The following ZNF536 variants were observed in gnomAD, a reference collection of about 807,000 sequenced individuals.
ZNF536 encodes the protein zinc finger protein 536.
A neutral mutation model predicts 84.5 loss-of-function variants in ZNF536; 13 were observed. The observed-to-expected ratio is 0.15, with a 90% CI of 0.10 to 0.24. The LOEUF (loss-of-function observed/expected upper bound fraction) is 0.24. ZNF536 is among the 10% of genes least tolerant of loss of function. The pLI is 1.00. For missense variants in ZNF536, 1,536 were observed against 1,747.5 expected, an observed-to-expected ratio of 0.88 and a Z score of 2.16; for synonymous variants, 811 against 742.5, an observed-to-expected ratio of 1.09 and a Z score of -1.50.
chr19:30,526,162 A>C (rs1463886209), intron 2 of ZNF536, among the ~76,000 whole-genome samples: 1 of 152,112 alleles, frequency 6.6e-6, no homozygotes, highest in African/African-American at 2.4e-5. Flanking sequence ...GCCCAAAGAG[A>C]CATGTCACAC....
At chr19:30,449,417 C>T (rs1488695856) in intron 2 of ZNF536, among the ~76,000 whole-genome samples, 2 of 152,164 alleles carry the variant, frequency 1.3e-5, no homozygotes, top group Non-Finnish European at 2.9e-5. Context: ...GGGCTGAGCT[C>T]GAATCCTCGC....
At chr19:30,387,121 C>T (rs761093826) in intron 1 of ZNF536, among the ~76,000 whole-genome samples, 3 of 152,180 alleles carry the variant, frequency 2.0e-5, no homozygotes, top group South Asian at 2.1e-4. Flanking sequence ...GATGAAGCAC[C>T]GTTTTCATGC....
intron 2 of ZNF536, among the ~76,000 whole-genome samples, chr19:30,297,814 A>G (rs866774477): frequency 1.3e-5 from 2 of 151,956 alleles, no homozygotes; most frequent in South Asian, 2.1e-4. Flanking sequence ...GCCAGGCAGC[A>G]GGAGCCCCCT....
intron 2 of ZNF536, among the ~76,000 whole-genome samples, chr19:30,298,202 A>G (rs1041620840): frequency 7.2e-5 from 11 of 152,076 alleles, no homozygotes; most frequent in Admixed American, 5.2e-4. Flanking sequence ...AAGGAATCCC[A>G]CCGGGTCCTC....
intron 2 of ZNF536, among the ~76,000 whole-genome samples, chr19:30,450,844 C>A (rs542463323): frequency 6.6e-6 from 1 of 152,068 alleles, no homozygotes; most frequent in Non-Finnish European, 1.5e-5. Flanking sequence ...TTTTTCTGCC[C>A]CCAGCCCACC....
At position 30,590,032 on chromosome 19, in the gene ZNF536, A is replaced by G. The variant is rs1241794570; in HGVS notation, c.169+40518A>G. On this transcript the variant is annotated intron_variant, in intron 1 of 1. Transcript: ENST00000592773. ...AGAACCAGCCCACTGGGCTCCATCC[A>G]GATGATCCTCTTTTGTTCTGGTGAC... Among the ~76,000 whole-genome samples the G allele has an allele frequency of 2.0e-5, 3 of 152,188 alleles. No individual in the cohort carries two copies. The East Asian group carries it at 5.8e-4, about 29-fold the overall frequency.
intron 1 of ZNF536, among the ~76,000 whole-genome samples, chr19:30,621,679 AAGCTGGGTGAGGAGC>A (rs1661055122): frequency 6.6e-6 from 1 of 152,274 alleles, no homozygotes; most frequent in African/African-American, 2.4e-5. Context: ...CAACAGACAT[AAGCTGGGTGAGGAGC>A]AGCCGGGTGG....
At chr19:30,404,277 A>G (rs1439818726) in intron 1 of ZNF536, among the ~76,000 whole-genome samples, 1 of 152,122 alleles carries the variant, frequency 6.6e-6, no homozygotes, top group Non-Finnish European at 1.5e-5. Flanking sequence ...GGAAATGTGG[A>G]GACAGCCTTG....
chr19:30,469,535 C>A (rs1390039657), intron 2 of ZNF536, among the ~76,000 whole-genome samples: 1 of 152,162 alleles, frequency 6.6e-6, no homozygotes, highest in Non-Finnish European at 1.5e-5. Flanking sequence ...GCATTACAAG[C>A]CAATACACCT....
intron 1 of ZNF536, among the ~76,000 whole-genome samples, chr19:30,608,342 T>G (rs942548047): frequency 1.3e-5 from 2 of 152,198 alleles, no homozygotes; most frequent in African/African-American, 2.4e-5. Flanking sequence ...CATTTTTTTT[T>G]GCAGGTAAAC....
chr19:30,276,119 G>A (rs187734082), intron 1 of ZNF536, among the ~76,000 whole-genome samples: 1 of 152,198 alleles, frequency 6.6e-6, no homozygotes, highest in East Asian at 1.9e-4. Flanking sequence ...GCAGGGAGCC[G>A]ACTGGAGCTC....
At chr19:30,476,470 A>G (rs1424753597) in intron 2 of ZNF536, among the ~76,000 whole-genome samples, 1 of 152,220 alleles carries the variant, frequency 6.6e-6, no homozygotes, top group Non-Finnish European at 1.5e-5. Flanking sequence ...TGGGTTGTGG[A>G]CACACACTGC....
intron 2 of ZNF536, among the ~76,000 whole-genome samples, chr19:30,492,127 G>A (rs1359678575): frequency 6.6e-6 from 1 of 152,122 alleles, no homozygotes; most frequent in East Asian, 1.9e-4. Flanking sequence ...ATCATGAAGG[G>A]ACACAGAATA....
intron 2 of ZNF536, among the ~76,000 whole-genome samples, chr19:30,297,910 C>CCA (rs1555714356): frequency 5.1e-5 from 7 of 136,666 alleles, no homozygotes; most frequent in Admixed American, 4.5e-4. Flanking sequence ...GAGTCCCCCC[C>CCA]CCCTCTGTCG....
chr19:30,697,352 T>C (rs574630418), intron 1 of ZNF536, among the ~76,000 whole-genome samples: 1 of 152,308 alleles, frequency 6.6e-6, no homozygotes, highest in South Asian at 2.1e-4. Flanking sequence ...ACCCCTGATT[T>C]CAGCATTGGC....
intron 2 of ZNF536, among the ~76,000 whole-genome samples, chr19:30,345,231 C>T (rs867382050): frequency 2.8e-5 from 3 of 105,528 alleles, no homozygotes; most frequent in Admixed American, 1.1e-4. Context: ...GGGAGGACCA[C>T]GCCCCGGGGG....
intron 2 of ZNF536, among the ~76,000 whole-genome samples, chr19:30,499,329 ATATGTATCTATG>A (rs1354184475): frequency 9.9e-5 from 15 of 152,256 alleles, no homozygotes; most frequent in East Asian, 3.9e-4. Flanking sequence ...ATGAATGTAC[ATATGTATCTATG>A]TATGTATCTA....
At chr19:30,472,017 C>T (rs1309971940) in intron 2 of ZNF536, among the ~76,000 whole-genome samples, 2 of 152,134 alleles carry the variant, frequency 1.3e-5, no homozygotes, top group East Asian at 1.9e-4. Flanking sequence ...TGGCCTTGAC[C>T]GCCCCCATCC....
At chr19:30,484,084 G>T (rs978540560) in intron 2 of ZNF536, among the ~76,000 whole-genome samples, 3 of 151,894 alleles carry the variant, frequency 2.0e-5, no homozygotes, top group African/African-American at 7.3e-5. Context: ...GGTGCACCCT[G>T]CCCCATCGAA....
Sources: allele counts gnomAD v4.1 joint callset (sites outside exome capture counted in the v4.1 genomes callset), GRCh38; gene constraint gnomAD v4.1.1; transcripts MANE v1.5; gene names NCBI Gene and HGNC (gene_info 2026-07-23, HGNC 2026-07-21).